The following ZC2HC1B variants were observed in gnomAD, a reference collection of about 807,000 sequenced individuals.
The protein encoded by ZC2HC1B is zinc finger C2HC domain-containing protein 1B.
ZC2HC1B carries 36 observed loss-of-function variants against 31.0 expected under a neutral mutation model. The ratio of observed to expected loss-of-function variants is 1.16; its 90% CI spans 0.89 to 1.54. ZC2HC1B has a LOEUF of 1.54. ZC2HC1B is among the 40% of genes most tolerant of loss of function. The pLI, the probability that ZC2HC1B is intolerant of heterozygous loss-of-function variation, is 0.00. For missense variants in ZC2HC1B, 260 were observed against 268.6 expected, an observed-to-expected ratio of 0.97 and a Z score of 0.22; for synonymous variants, 73 against 88.0, an observed-to-expected ratio of 0.83 and a Z score of 0.95.
chr6:143,891,141 AAAAAG>A (rs1777597438), intron 4 of ZC2HC1B, among the ~76,000 whole-genome samples: 1 of 151,532 alleles, frequency 6.6e-6, no homozygotes, highest in African/African-American at 2.4e-5. Context: ...AAAAAAAAAA[AAAAAG>A]AAATTTAATA....
chr6:143,881,021 C>G (rs1777460040), intron 1 of ZC2HC1B, among the ~76,000 whole-genome samples: 1 of 152,152 alleles, frequency 6.6e-6, no homozygotes, highest in Admixed American at 6.5e-5. Flanking sequence ...TGAAGATACA[C>G]AACTATTCCA....
chr6:143,937,470 G>A (rs1455175679), intron 6 of ZC2HC1B, among the ~76,000 whole-genome samples, 179 bp from the exon 7 acceptor site: 1 of 151,920 alleles, frequency 6.6e-6, no homozygotes, highest in African/African-American at 2.4e-5. Context: ...TTCCTTATTT[G>A]GTTATTTGTC....
intron 1 of ZC2HC1B, among the ~76,000 whole-genome samples, chr6:143,875,920 TG>T (rs1482633010): frequency 6.6e-6 from 1 of 150,604 alleles, no homozygotes; most frequent in East Asian, 1.9e-4. Flanking sequence ...CTGTTTCTTC[TG>T]GCAAAAAAGC....
chr6:143,916,922 G>C (rs945444270), intron 6 of ZC2HC1B, among the ~76,000 whole-genome samples: 3 of 152,194 alleles, frequency 2.0e-5, no homozygotes. Context: ...GCTGAAATGA[G>C]TTAAGACTTT....
rs1277585807 is a variant in ZC2HC1B, at chr6:143,921,815, CT to C, written c.599-15832del. On this transcript the variant is annotated intron_variant, in intron 6 of 7. Coordinates refer to ENST00000237275, the MANE Select transcript of ZC2HC1B (RefSeq NM_001013623.3). This position sits in a 1 kb window ranked among gnomAD's most constrained non-coding sequence, Gnocchi z 6.1. ...CATGTGGTGGCACCCACTTGTAGCT[CT>C]TGCTACCCAGGAGACTGAGGTGGGA... Among the ~76,000 whole-genome samples, 1 of 152,080 alleles carries C rather than the reference CT, an allele frequency of 6.6e-6. No homozygotes were observed. Among genetic ancestry groups the C allele is most frequent in the Non-Finnish European group, 1.5e-5 (1 of 68,018 alleles).
intron 6 of ZC2HC1B, among the ~76,000 whole-genome samples, chr6:143,935,575 G>A (rs1164400938): frequency 6.8e-6 from 1 of 146,562 alleles, no homozygotes; most frequent in Non-Finnish European, 1.5e-5. Flanking sequence ...AATTGTTGTT[G>A]TTGGGTTTTT....
At chr6:143,897,423 A>G (rs969205256) in intron 4 of ZC2HC1B, among the ~76,000 whole-genome samples, 23 of 151,528 alleles carry the variant, frequency 1.5e-4, no homozygotes, top group Non-Finnish European at 2.6e-4. Context: ...CATTCTAAGA[A>G]GATCTTGCCT....
intron 1 of ZC2HC1B, among the ~76,000 whole-genome samples, chr6:143,878,461 G>A (rs1323157125): frequency 2.0e-5 from 3 of 150,644 alleles, no homozygotes; most frequent in African/African-American, 7.3e-5. Context: ...CTGGGTGACA[G>A]AGCAAGACCT....
chr6:143,896,614 G>A (rs146910118), intron 4 of ZC2HC1B, among the ~76,000 whole-genome samples: 2 of 152,252 alleles, frequency 1.3e-5, no homozygotes, highest in East Asian at 3.9e-4. Flanking sequence ...AAAACATTTA[G>A]TATGTTCCAC....
chr6:143,891,566 G>T (rs1186232665), intron 4 of ZC2HC1B, among the ~76,000 whole-genome samples: 1 of 151,952 alleles, frequency 6.6e-6, no homozygotes, highest in Non-Finnish European at 1.5e-5. Flanking sequence ...GCTGGATGTG[G>T]TGGTGGGCAT....
chr6:143,870,000 G>A lies in ZC2HC1B; in HGVS notation c.28+5433G>A, dbSNP rs1197792743. ...CACCAGTTGGTGAGCATTCACATGG[G>A]ATACAAATATCTTTCCAGTTTTTGA... On this transcript the variant is annotated intron_variant, in intron 1 of 7. Transcript: ENST00000237275. This position sits in a 1 kb window ranked among gnomAD's most constrained non-coding sequence, Gnocchi z 5.2. Among the ~76,000 whole-genome samples, 1 of 152,142 alleles carries A rather than the reference G, an allele frequency of 6.6e-6. No individual in the cohort carries two copies. The highest frequency in any genetic ancestry group is 2.4e-5 in the African/African-American group (1 of 41,426).
At position 143,872,030 on chromosome 6, in the gene ZC2HC1B, G is replaced by A. The variant is rs989069114; in HGVS notation, c.28+7463G>A. ...TGGAATCAACATCAGCTCAGAGCCAGTGTCCAGTAGTTTCCGAAATGTCTG... is the reference window on the plus strand; with the variant it reads ...TGGAATCAACATCAGCTCAGAGCCAATGTCCAGTAGTTTCCGAAATGTCTG... On this transcript the variant is annotated intron_variant, in intron 1 of 7. Coordinates refer to ENST00000237275, the MANE Select transcript of ZC2HC1B (RefSeq NM_001013623.3). This position sits in a 1 kb window ranked among gnomAD's most constrained non-coding sequence, Gnocchi z 5.5. Among the ~76,000 whole-genome samples the A allele has an allele frequency of 6.7e-6, 1 of 149,192 alleles. No individual in the cohort carries two copies. The highest frequency in any genetic ancestry group is 1.5e-5 in the Non-Finnish European group (1 of 67,996).
intron 1 of ZC2HC1B, among the ~76,000 whole-genome samples, chr6:143,867,011 A>G (rs1777272031): frequency 6.6e-6 from 1 of 152,258 alleles, no homozygotes; most frequent in Non-Finnish European, 1.5e-5. Context: ...CAAATAGAAA[A>G]TACCGTGTAT....
rs1024179408 is a variant in ZC2HC1B, at chr6:143,865,073, TTGA to T, written c.28+510_28+512del. ...AGAGAAAAAGACTAGGCCATGAGTC[TTGA>T]TGAAGCATATTGTGATTTAGGCAGG... is the stretch of plus-strand genomic sequence containing the variant. On this transcript the variant is annotated intron_variant, in intron 1 of 7. Coordinates refer to ENST00000237275, the MANE Select transcript of ZC2HC1B (RefSeq NM_001013623.3). The surrounding 1 kb of genome is among the most constrained non-coding windows in gnomAD (Gnocchi z 4.4). Among the ~76,000 whole-genome samples the T allele has an allele frequency of 1.2e-4, 18 of 152,364 alleles. No individual in the cohort carries two copies. Among genetic ancestry groups the T allele is most frequent in the Middle Eastern group, 3.4e-3 (1 of 294 alleles).
At chr6:143,928,451 A>C (rs972265666) in intron 6 of ZC2HC1B, among the ~76,000 whole-genome samples, 2 of 152,062 alleles carry the variant, frequency 1.3e-5, no homozygotes, top group Non-Finnish European at 2.9e-5. Flanking sequence ...TGGGTCTTCT[A>C]TTCTGTTCTG....
chr6:143,877,272 CTTTTTTTTT>C (rs34994479), intron 1 of ZC2HC1B, among the ~76,000 whole-genome samples: 12 of 42,592 alleles, frequency 2.8e-4, no homozygotes, highest in East Asian at 8.2e-4. Context: ...TTTTTAATTT[CTTTTTTTTT>C]TTTTTTTTTT....
chr6:143,894,018 C>T (rs1188098206), intron 4 of ZC2HC1B, among the ~76,000 whole-genome samples: 1 of 152,132 alleles, frequency 6.6e-6, no homozygotes, highest in Non-Finnish European at 1.5e-5. Context: ...GTTAAACATA[C>T]ACTTAGCCTA....
intron 1 of ZC2HC1B, among the ~76,000 whole-genome samples, chr6:143,873,054 A>G (rs1416379002): frequency 6.6e-6 from 1 of 152,174 alleles, no homozygotes; most frequent in Non-Finnish European, 1.5e-5. Context: ...AGTCCCTTCC[A>G]CCTATGAACT....
At chr6:143,896,581 T>G (rs899786602) in intron 4 of ZC2HC1B, among the ~76,000 whole-genome samples, 4 of 152,216 alleles carry the variant, frequency 2.6e-5, no homozygotes, top group Non-Finnish European at 2.9e-5. Flanking sequence ...ACCTGTTTCC[T>G]TATAGCAATA....
Sources: gnomAD v4.1 joint callset for allele counts (sites outside exome capture counted in the v4.1 genomes callset) on GRCh38, gnomAD v4.1.1 for gene constraint, Gnocchi (gnomAD v3.1) non-coding constraint, MANE v1.5 for transcripts, NCBI Gene and HGNC (gene_info 2026-07-23, HGNC 2026-07-21) for gene names.